Variants in FCHO2 observed in about 807,000 individuals in gnomAD.
FCHO2 encodes the protein FCH and mu domain containing endocytic adaptor 2.
Under a neutral mutation model 114.1 loss-of-function variants are expected in FCHO2, and 43 were observed. That is an observed-to-expected ratio of 0.38 (90% CI 0.30 to 0.49). The LOEUF (loss-of-function observed/expected upper bound fraction) is 0.49. Among genes scored for constraint, FCHO2 ranks in the 20% least tolerant of loss-of-function variants. The pLI is 0.97. For synonymous variants in FCHO2, 293 were observed against 315.2 expected (o/e 0.93, Z 0.75); for missense variants, 807 against 950.4 (o/e 0.85, Z 1.98).
intron 16 of FCHO2, among the ~76,000 whole-genome samples, chr5:73,056,382 G>A (rs1162231335): frequency 3.3e-5 from 5 of 152,148 alleles, no homozygotes; most frequent in Non-Finnish European, 5.9e-5. Flanking sequence ...ACATGTATTC[G>A]TCATTATAGT....
In FCHO2 at chr5:73,087,888, G is replaced by A. The variant is rs142636390; in HGVS notation, c.2410+135G>A. Reference sequence around the variant, plus strand: ...CTTTAACCCTTGGTACAAGGTGCCAGGTAGAGACACACCTGGGAGAGAGTT... The same window carrying A: ...CTTTAACCCTTGGTACAAGGTGCCAAGTAGAGACACACCTGGGAGAGAGTT... On this transcript the variant is annotated intron_variant, in intron 25 of 25. Transcript: ENST00000430046. 1.4e-5 allele frequency: 20 copies of A among 1,393,636 alleles called. No individual in the cohort carries two copies. In the African/African-American group the frequency reaches 2.4e-4, roughly 17 times the overall value. 86.3% of individuals were successfully genotyped at this position (1,393,636 alleles called of 1,614,324 possible).
chr5:73,010,703 C>T (rs1235939568), intron 6 of FCHO2, among the ~76,000 whole-genome samples: 1 of 151,544 alleles, frequency 6.6e-6, no homozygotes, highest in Non-Finnish European at 1.5e-5. Context: ...ATGTTGAAAT[C>T]CTGTCTCTAC....
At chr5:73,055,736 C>G (rs1281821600) in intron 15 of FCHO2, among the ~76,000 whole-genome samples, 1 of 152,136 alleles carries the variant, frequency 6.6e-6, no homozygotes, top group Non-Finnish European at 1.5e-5. Flanking sequence ...AAATTCTTAA[C>G]TAGAATTTAT....
chr5:73,032,176 G>A (rs556560826), intron 8 of FCHO2, among the ~76,000 whole-genome samples: 6 of 152,260 alleles, frequency 3.9e-5, no homozygotes, highest in South Asian at 2.1e-4. Context: ...CATGTGAAGC[G>A]GCATGTGGAG....
At chr5:72,969,184 A>C (rs1033833031) in intron 2 of FCHO2, among the ~76,000 whole-genome samples, 21 of 152,224 alleles carry the variant, frequency 1.4e-4, no homozygotes, top group African/African-American at 4.8e-4. Context: ...GTAATTATTT[A>C]TATGAACACA....
intron 8 of FCHO2, among the ~76,000 whole-genome samples, chr5:73,020,389 C>G (rs1755554592): frequency 6.6e-6 from 1 of 152,160 alleles, no homozygotes; most frequent in Non-Finnish European, 1.5e-5. Context: ...TGGCATGATT[C>G]CGTCTCTCAC....
Position 73,006,922 on chromosome 5 carries a change from A to G in FCHO2, c.600+373A>G, listed in dbSNP as rs189757332. On this transcript the variant is annotated intron_variant, in intron 6 of 25. Transcript: ENST00000430046. The stretch of plus-strand genomic sequence containing the variant: ...ATCCCTGGTCTCAAAGAACTTACAT[A>G]TTAGTGAGGGAAGACAGACACAAAT... Among the ~76,000 whole-genome samples the G allele has an allele frequency of 7.9e-5, 12 of 152,274 alleles. No homozygotes were observed. In the East Asian group the frequency reaches 2.1e-3, roughly 27 times the overall value.
At chr5:72,987,215 G>A (rs1285339259) in intron 2 of FCHO2, among the ~76,000 whole-genome samples, 3 of 151,776 alleles carry the variant, frequency 2.0e-5, no homozygotes, top group African/African-American at 7.3e-5. Flanking sequence ...AGTTTTGACT[G>A]AATTTTGACC....
intron 1 of FCHO2, among the ~76,000 whole-genome samples, chr5:72,960,653 TGA>T (rs1751806940): frequency 6.6e-6 from 1 of 152,182 alleles, no homozygotes; most frequent in South Asian, 2.1e-4. Context: ...ATAATAGTCT[TGA>T]GATTATAACA....
intron 2 of FCHO2, among the ~76,000 whole-genome samples, chr5:72,969,203 C>T (rs1174083308): frequency 6.6e-6 from 1 of 152,194 alleles, no homozygotes; most frequent in Non-Finnish European, 1.5e-5. Context: ...CATTTAAAAT[C>T]TTTACCTTGA....
chr5:72,967,899 C>T (rs1161316359), intron 1 of FCHO2, among the ~76,000 whole-genome samples: 2 of 150,196 alleles, frequency 1.3e-5, no homozygotes, highest in African/African-American at 2.5e-5. Context: ...GGATTACAGG[C>T]GTGAGCCACC....
chr5:73,048,962 C>T (rs918041178), intron 11 of FCHO2, among the ~76,000 whole-genome samples: 3 of 149,170 alleles, frequency 2.0e-5, no homozygotes, highest in Admixed American at 6.7e-5. Flanking sequence ...CTGCAAGCTC[C>T]GCCTCCCGGG....
At chr5:73,012,654 A>G (rs1755087090) in intron 6 of FCHO2, among the ~76,000 whole-genome samples, 2 of 151,976 alleles carry the variant, frequency 1.3e-5, no homozygotes, top group South Asian at 4.1e-4. Flanking sequence ...GTAACAATAC[A>G]TGTGAACACA....
Position 73,058,441 on chromosome 5 carries a change from C to A in FCHO2, c.1262C>A (p.Thr421Asn). 6.4e-7 allele frequency: 1 copy of A among 1,556,436 alleles called. No individual in the cohort carries two copies. Among genetic ancestry groups the A allele is most frequent in the Non-Finnish European group, 8.7e-7 (1 of 1,149,946 alleles). ...KPSAPPNEKG[T>N]SDLLAWDPLF... ...TAAAAATATTATGGTAGAAAAGGAA[C>A]CAGTGATTTACTTGCTTGGGACCCC... The change falls in exon 17 of 26, where the codon ACC becomes AAC. Residue 421 changes from threonine (T) to asparagine (N), a missense_variant. Physicochemically the swap from Thr to Asn is moderately conservative, Grantham distance 65 (BLOSUM62 0). Coordinates refer to ENST00000430046, the MANE Select transcript of FCHO2 (RefSeq NM_138782.3).
At chr5:73,072,705 T>C (rs1218242836) in intron 19 of FCHO2, among the ~76,000 whole-genome samples, 1 of 151,940 alleles carries the variant, frequency 6.6e-6, no homozygotes, top group East Asian at 1.9e-4. Context: ...AGACAGCAAG[T>C]AGAATGGTGG....
At chr5:72,989,982 T>C (rs1482214720) in intron 3 of FCHO2, among the ~76,000 whole-genome samples, 1 of 151,888 alleles carries the variant, frequency 6.6e-6, no homozygotes, top group East Asian at 1.9e-4. Flanking sequence ...ATGAAAATAA[T>C]GAAAAGAATA....
chr5:73,020,772 T>G (rs538245210), intron 8 of FCHO2: 68 of 1,027,554 alleles, frequency 6.6e-5, no homozygotes, highest in Non-Finnish European at 9.3e-5. Flanking sequence ...CTGTGAGAGA[T>G]ATGGCACTGT....
intron 1 of FCHO2, among the ~76,000 whole-genome samples, chr5:72,967,712 C>T (rs1199533661): frequency 3.9e-5 from 6 of 152,124 alleles, no homozygotes; most frequent in Non-Finnish European, 7.4e-5. Flanking sequence ...CTCCACCTCC[C>T]GGGTTCAAGC....
intron 8 of FCHO2, chr5:73,021,194 C>T: frequency 1.3e-6 from 1 of 762,662 alleles, no homozygotes; most frequent in East Asian, 2.5e-5. Flanking sequence ...GGCTGTAGAG[C>T]AAGTGATTTG....
Sources: allele counts gnomAD v4.1 joint callset (sites outside exome capture counted in the v4.1 genomes callset), GRCh38; gene constraint gnomAD v4.1.1; transcripts MANE v1.5; gene names NCBI Gene and HGNC (gene_info 2026-07-23, HGNC 2026-07-21).